Variants in SLC6A13 observed in about 807,000 individuals in gnomAD.
SLC6A13 encodes sodium- and chloride-dependent GABA transporter 2.
SLC6A13 carries 69 observed loss-of-function variants against 72.9 expected under a neutral mutation model. The observed-to-expected ratio is 0.95, with a 90% CI of 0.78 to 1.16. The LOEUF is 1.16. Among genes scored for constraint, SLC6A13 ranks in the 50% most tolerant of loss-of-function variants. The probability of loss-of-function intolerance (pLI) is 0.00; values close to 1 mark genes in which losing one functional copy is unlikely to be tolerated. For synonymous variants in SLC6A13, 303 were observed against 303.0 expected (o/e 1.00, Z 0.00); for missense variants, 735 against 760.5 (o/e 0.97, Z 0.39).
intron 3 of SLC6A13, 23 bp downstream of exon 3, chr12:243,656 G>C: frequency 6.2e-7 from 1 of 1,603,558 alleles, no homozygotes; most frequent in Non-Finnish European, 8.5e-7. Flanking sequence ...AGACGCTTTG[G>C]AGTCAGGTAC....
Position 242,744 on chromosome 12 carries a change from A to C in SLC6A13, c.348T>G (p.Tyr116Ter). 1.9e-6 allele frequency: 3 copies of C among 1,587,264 alleles called. No individual in the cohort carries two copies. The highest frequency in any genetic ancestry group is 2.6e-6 in the Non-Finnish European group (3 of 1,166,218). The change falls in exon 4 of 15, where the codon TAT (tyrosine) becomes TAG (stop). Residue 116 changes from tyrosine (Y) to a stop codon, truncating the protein, a stop_gained. Coordinates refer to ENST00000343164, the MANE Select transcript of SLC6A13 (RefSeq NM_016615.5). LOFTEE classifies it high-confidence loss of function. ...GGAGGATGACGATCATCTGGGAGGC[A>C]TAGCCAATGCCTGCGGGGAAACTGC... is the stretch of plus-strand genomic sequence containing the variant. ...KICPIFEGIG[Y>*]ASQMIVILLN...
At position 237,950 on chromosome 12, in the gene SLC6A13, G is replaced by A. The variant is rs1482753219; in HGVS notation, c.539C>T (p.Thr180Ile). The A allele has an allele frequency of 1.2e-6, 2 of 1,613,936 alleles. No individual in the cohort carries two copies. The highest frequency in any genetic ancestry group is 1.7e-6 in the Non-Finnish European group (2 of 1,179,814). The change falls in exon 5 of 15, where the codon ACC becomes ATC. Residue 180 changes from threonine (T) to isoleucine (I), a missense_variant. By Grantham distance (89) the Thr-to-Ile change is moderately conservative. Transcript: ENST00000343164. ...CTCCCAGAACTCGATGACAGGAGAGGTGGCATTCTCAGAGGTACCATTCAG... is the reference window on the plus strand; with the variant it reads ...CTCCCAGAACTCGATGACAGGAGAGATGGCATTCTCAGAGGTACCATTCAG... ...GSLNGTSENATSPVIEFWERR... is the reference protein window; with the variant it reads ...GSLNGTSENAISPVIEFWERR...
intron 8 of SLC6A13, chr12:226,998 A>G (rs1941487384): frequency 6.1e-6 from 1 of 164,804 alleles, no homozygotes; most frequent in Admixed American, 5.7e-5. Flanking sequence ...AAATTTTCTG[A>G]GCACAAACCA....
chr12:227,417 T>G, intron 8 of SLC6A13, 148 bp downstream of exon 8: 1 of 1,393,952 alleles, frequency 7.2e-7, no homozygotes, highest in Non-Finnish European at 9.6e-7. Flanking sequence ...TTGCAGCTCC[T>G]GGTAGCCCTG....
intron 2 of SLC6A13, among the ~76,000 whole-genome samples, chr12:252,153 T>C (rs550232764): frequency 6.6e-6 from 1 of 152,362 alleles, no homozygotes; most frequent in South Asian, 2.1e-4. Context: ...GTATCATAAT[T>C]ATCAACATAC....
Position 224,053 on chromosome 12 carries a change from T to C in SLC6A13, c.1250A>G (p.Glu417Gly), listed in dbSNP as rs374420606. Residue 417 changes from glutamate (E) to glycine (G), a missense_variant, in exon 11 of 15, where the codon GAA becomes GGA. By Grantham distance (98) the Glu-to-Gly change is moderately conservative. Coordinates refer to ENST00000343164, the MANE Select transcript of SLC6A13 (RefSeq NM_016615.5). ...GACAGATACTCCAAGGATGAGGACTTCCCTCCGGTTCTTCTTGCGGAACAC... is the reference window on the plus strand; with the variant it reads ...GACAGATACTCCAAGGATGAGGACTCCCCTCCGGTTCTTCTTGCGGAACAC... Reference protein sequence around the residue: ...PHVFRKKNRREVLILGVSVVS... With the variant: ...PHVFRKKNRRGVLILGVSVVS... The C allele has an allele frequency of 1.2e-6, 2 of 1,613,966 alleles. No homozygotes were observed. Among genetic ancestry groups the C allele is most frequent in the Non-Finnish European group, 1.7e-6 (2 of 1,179,976 alleles).
chr12:237,144 C>T lies in SLC6A13; in HGVS notation c.696+14G>A, dbSNP rs768282729. On this transcript the variant is annotated intron_variant, in intron 6 of 14. Coordinates refer to ENST00000343164, the MANE Select transcript of SLC6A13 (RefSeq NM_016615.5). ...AGTCCGGGAATGGGAGGGGCAGGAG[C>T]TCCCCACACGAACCTTGCCTGTGGA... is the stretch of plus-strand genomic sequence containing the variant. 19 of 1,613,426 alleles carry T rather than the reference C, an allele frequency of 1.2e-5. No homozygotes were observed. The highest frequency in any genetic ancestry group is 1.5e-5 in the Non-Finnish European group (18 of 1,179,738).
intron 13 of SLC6A13, among the ~76,000 whole-genome samples, chr12:222,255 C>T (rs1001642722): frequency 1.3e-5 from 2 of 152,204 alleles, no homozygotes; most frequent in African/African-American, 4.8e-5. Context: ...CAGCCCAAGG[C>T]ACCCGGGTTT....
At chr12:260,259 C>T (rs1027866155) in intron 1 of SLC6A13, among the ~76,000 whole-genome samples, 1 of 152,216 alleles carries the variant, frequency 6.6e-6, no homozygotes, top group Non-Finnish European at 1.5e-5. Flanking sequence ...TATTCCTTTC[C>T]TGTTTCAGGA....
At chr12:221,108 C>G in intron 14 of SLC6A13, 38 bp from the exon 15 acceptor site, 1 of 1,553,914 alleles carries the variant, frequency 6.4e-7, no homozygotes, top group South Asian at 1.2e-5. Context: ...GGTGGTGGAG[C>G]GGGGGCAGGT....
chr12:262,778 A>C lies in SLC6A13; in HGVS notation c.-6+11T>G. On this transcript the variant is annotated intron_variant, in intron 1 of 14. Transcript: ENST00000343164. Reference sequence around the variant, plus strand: ...AGAAATAGAAAAAAAAGAGAAGAAAACATTTCGAACCTTAGTGAAGCTGCT... The same window carrying C: ...AGAAATAGAAAAAAAAGAGAAGAAACCATTTCGAACCTTAGTGAAGCTGCT... The C allele has an allele frequency of 1.1e-5, 9 of 804,648 alleles. No individual in the cohort carries two copies. The highest frequency in any genetic ancestry group is 1.3e-4 in the East Asian group (1 of 7,936). 49.8% of individuals were successfully genotyped at this position (804,648 alleles called of 1,614,324 possible).
intron 7 of SLC6A13, among the ~76,000 whole-genome samples, chr12:231,288 A>G (rs1453634137): frequency 6.6e-6 from 1 of 152,220 alleles, no homozygotes; most frequent in Non-Finnish European, 1.5e-5. Flanking sequence ...AGCAAACGAG[A>G]GGGGAGCACA....
At chr12:237,131 G>T (rs373493201) in intron 6 of SLC6A13, 27 bp downstream of exon 6, 1 of 1,612,500 alleles carries the variant, frequency 6.2e-7, no homozygotes, top group African/African-American at 1.3e-5. Context: ...TCCGGGAATG[G>T]GAGGGGCAGG....
intron 1 of SLC6A13, among the ~76,000 whole-genome samples, chr12:260,354 G>A (rs1407783102): frequency 6.6e-6 from 1 of 152,188 alleles, no homozygotes; most frequent in Non-Finnish European, 1.5e-5. Flanking sequence ...AGGAGTTCAT[G>A]GGCCGCTGTG....
At chr12:238,102 G>A in intron 4 of SLC6A13, 92 bp from the exon 5 acceptor site, 1 of 1,572,684 alleles carries the variant, frequency 6.4e-7, no homozygotes, top group South Asian at 1.1e-5. Context: ...TAGGAGAATG[G>A]GAAGGAAGGT....
intron 4 of SLC6A13, among the ~76,000 whole-genome samples, chr12:239,223 T>G (rs520825): frequency 0.066 from 7,215 of 109,106 alleles, 876 homozygotes; most frequent in East Asian, 0.25. Context: ...CACACATGGG[T>G]TGTGTTGGAT....
intron 1 of SLC6A13, among the ~76,000 whole-genome samples, chr12:261,050 C>T (rs1359960741): frequency 6.6e-6 from 1 of 152,148 alleles, no homozygotes; most frequent in Non-Finnish European, 1.5e-5. Context: ...TTACTATGCG[C>T]TCTTTTTCTT....
At chr12:244,383 G>GT (rs1942277063) in intron 2 of SLC6A13, among the ~76,000 whole-genome samples, 2 of 152,176 alleles carry the variant, frequency 1.3e-5, no homozygotes, top group Non-Finnish European at 2.9e-5. Flanking sequence ...CTGTGAGACT[G>GT]TGTTTGTTAT....
intron 4 of SLC6A13, among the ~76,000 whole-genome samples, chr12:241,839 A>T (rs1942177483): frequency 6.6e-6 from 1 of 152,254 alleles, no homozygotes. Flanking sequence ...AATTGCAGAT[A>T]TGCAGCACAT....
Sources: gnomAD v4.1 joint callset for allele counts (sites outside exome capture counted in the v4.1 genomes callset) on GRCh38, gnomAD v4.1.1 for gene constraint, MANE v1.5 for transcripts, NCBI Gene and HGNC (gene_info 2026-07-23, HGNC 2026-07-21) for gene names.